The following ZNF334 variants were observed in gnomAD, a reference collection of about 807,000 sequenced individuals.
The protein encoded by ZNF334 is zinc finger protein 334.
ZNF334 carries 14 observed loss-of-function variants against 12.4 expected under a neutral mutation model. The observed-to-expected ratio is 1.13, with a 90% CI of 0.74 to 1.76. ZNF334 has a LOEUF of 1.76. Ranked by LOEUF, ZNF334 falls within the 40% of genes most tolerant of loss-of-function variation. The probability of loss-of-function intolerance (pLI) is 0.00; values close to 1 mark genes in which losing one functional copy is unlikely to be tolerated. For synonymous variants in ZNF334, 273 were observed against 269.6 expected, an observed-to-expected ratio of 1.01 and a Z score of -0.12; for missense variants, 797 against 804.5, an observed-to-expected ratio of 0.99 and a Z score of 0.11.
chr20:46,477,692 C>T, the ZNF334 span, among the ~76,000 whole-genome samples: 1 of 152,218 alleles, frequency 6.6e-6, no homozygotes, highest in African/African-American at 2.4e-5. Context: ...AGTGCTATCC[C>T]TCACCAGCTG....
chr20:46,494,261 G>A, the ZNF334 span, among the ~76,000 whole-genome samples: 2 of 152,174 alleles, frequency 1.3e-5, no homozygotes, highest in Non-Finnish European at 2.9e-5. Flanking sequence ...CAAGTGGGAT[G>A]GGCATAGTTA....
Position 46,501,452 on chromosome 20 carries a change from T to C in ZNF334, c.1887A>G (p.Glu629=). 2 of 1,614,100 alleles carry C rather than the reference T, an allele frequency of 1.2e-6. No homozygotes were observed. Among genetic ancestry groups the C allele is most frequent in the Non-Finnish European group, 1.7e-6 (2 of 1,179,998 alleles). The change falls in exon 5 of 5, where the codon GAA becomes GAG. Residue 629 remains glutamate (E), a synonymous_variant. Transcript: ENST00000692313. ...RRIHTGEKPY[E]CNQCGKTYRR... Reference sequence around the variant, plus strand: ...GGTAGGTTTTCCCACATTGATTACATTCATATGGTTTCTCTCCTGTGTGAA... The same window carrying C: ...GGTAGGTTTTCCCACATTGATTACACTCATATGGTTTCTCTCCTGTGTGAA...
At chr20:46,487,706 T>C in the ZNF334 span, among the ~76,000 whole-genome samples, 2 of 152,250 alleles carry the variant, frequency 1.3e-5, no homozygotes, top group South Asian at 4.1e-4. Flanking sequence ...TTTTGTCTGA[T>C]ATTAACATAG....
chr20:46,510,216 G>C (rs1262133905), intron 2 of ZNF334, among the ~76,000 whole-genome samples: 2 of 152,094 alleles, frequency 1.3e-5, no homozygotes, highest in Non-Finnish European at 2.9e-5. Flanking sequence ...TTGGCATTTT[G>C]GAGGAATTGG....
At chr20:46,475,234 G>A in the ZNF334 span, among the ~76,000 whole-genome samples, 3 of 152,090 alleles carry the variant, frequency 2.0e-5, no homozygotes, top group Non-Finnish European at 2.9e-5. Flanking sequence ...TTCAGCAAAT[G>A]GTGCTGGAGC....
At chr20:46,468,054 G>A in the ZNF334 span, among the ~76,000 whole-genome samples, 1 of 152,216 alleles carries the variant, frequency 6.6e-6, no homozygotes, top group African/African-American at 2.4e-5. Flanking sequence ...AGATCTGTAT[G>A]ATATTGAAAT....
intron 2 of ZNF334, among the ~76,000 whole-genome samples, chr20:46,510,685 G>A (rs1304595988): frequency 2.6e-5 from 4 of 151,588 alleles, no homozygotes; most frequent in Non-Finnish European, 5.9e-5. Context: ...GTGAACCCGG[G>A]AGGCAGAGTT....
downstream of ZNF334, among the ~76,000 whole-genome samples, chr20:46,495,381 T>C (rs752547388): frequency 2.9e-4 from 44 of 151,104 alleles, no homozygotes; most frequent in Admixed American, 1.0e-3. Context: ...CTAAGTTCAA[T>C]CACTGACTTC....
intron 4 of ZNF334, among the ~76,000 whole-genome samples, chr20:46,503,603 A>T (rs142075290): frequency 6.6e-6 from 1 of 152,232 alleles, no homozygotes. Context: ...TTTTGCAGTG[A>T]CATGGAACTC....
the ZNF334 span, among the ~76,000 whole-genome samples, chr20:46,478,851 T>C: frequency 6.6e-6 from 1 of 152,246 alleles, no homozygotes; most frequent in South Asian, 2.1e-4. Flanking sequence ...GTCTTTGGTT[T>C]AGGCTTCAGT....
chr20:46,510,587 G>A (rs1233089478), intron 2 of ZNF334, among the ~76,000 whole-genome samples: 7 of 151,876 alleles, frequency 4.6e-5, no homozygotes, highest in East Asian at 1.9e-4. Flanking sequence ...TTAGCCAGGC[G>A]TGGTGGCGGG....
intron 3 of ZNF334, 73 bp from the exon 4 acceptor site, chr20:46,504,379 C>T (rs1319020508): frequency 2.9e-6 from 4 of 1,397,392 alleles, no homozygotes; most frequent in South Asian, 1.2e-5. Context: ...GAAGAAAGTA[C>T]AGCTTCAGAA....
the ZNF334 span, among the ~76,000 whole-genome samples, chr20:46,493,152 T>C: frequency 6.6e-6 from 1 of 152,084 alleles, no homozygotes; most frequent in African/African-American, 2.4e-5. Context: ...AGGCATTTCC[T>C]GTGGTAAGCA....
rs1281921403 is a variant in ZNF334 at position 46,504,694 on chromosome 20, T to G, written c.68A>C (p.Glu23Ala). ...QDLTVNFTQEEWQQLDPAQRL... is the reference protein window; with the variant it reads ...QDLTVNFTQEAWQQLDPAQRL... ...CTGAGCAGGGTCCAGTTGCTGCCAT[T>G]CCTCTTGGGTGAAGTTCACAGTCAG... Residue 23 changes from glutamate (E) to alanine (A), a missense_variant, in exon 3 of 5, where the codon GAA becomes GCA. Coordinates refer to ENST00000692313, the MANE Select transcript of ZNF334 (RefSeq NM_001353824.2). The G allele has an allele frequency of 1.2e-6, 2 of 1,612,138 alleles. No individual in the cohort carries two copies. Among genetic ancestry groups the G allele is most frequent in the African/African-American group, 2.7e-5 (2 of 74,754 alleles).
intron 2 of ZNF334, among the ~76,000 whole-genome samples, chr20:46,508,482 G>GAAAAGGGGTAGA (rs1343237097): frequency 2.0e-5 from 3 of 152,242 alleles, no homozygotes; most frequent in African/African-American, 7.2e-5. Context: ...AATGTAGGCA[G>GAAAAGGGGTAGA]AAAAGGGGTA....
In ZNF334 at chr20:46,501,387, G is replaced by A. The variant is rs1317946258; in HGVS notation, c.1952C>T (p.Thr651Ile). The A allele has an allele frequency of 2.5e-6, 4 of 1,613,414 alleles. No individual in the cohort carries two copies. Among genetic ancestry groups the A allele is most frequent in the African/African-American group, 1.3e-5 (1 of 74,920 alleles). Reference protein sequence around the residue: ...WTLTEHQKIHTGEKPYECNKC... With the variant: ...WTLTEHQKIHIGEKPYECNKC... ...GTTACATTCATAAGGTTTCTCTCCT[G>A]TGTGTATTTTCTGATGTTCAGTGAG... is the stretch of plus-strand genomic sequence containing the variant. Residue 651 changes from threonine (T) to isoleucine (I), a missense_variant, in exon 5 of 5, where the codon ACA (threonine) becomes ATA (isoleucine). Coordinates refer to ENST00000692313, the MANE Select transcript of ZNF334 (RefSeq NM_001353824.2).
chr20:46,508,753 G>C (rs2061532015), intron 2 of ZNF334, among the ~76,000 whole-genome samples: 1 of 152,184 alleles, frequency 6.6e-6, no homozygotes, highest in African/African-American at 2.4e-5. Flanking sequence ...TCTCCTACAG[G>C]AAAGAAATGT....
At chr20:46,481,229 A>T in the ZNF334 span, 3 of 152,228 alleles carry the variant, frequency 2.0e-5, no homozygotes, top group African/African-American at 7.2e-5. Context: ...AGGGCTAAAG[A>T]CATTTTGCAT....
rs545088718 is a variant in ZNF334 at position 46,502,130 on chromosome 20, T to A, written c.1209A>T (p.Lys403Asn). ...TCTCACATTCACTACATTCATAGGGTTTTTCCCCTGTGTGAATTCTCTGAT... is the reference window on the plus strand; with the variant it reads ...TCTCACATTCACTACATTCATAGGGATTTTCCCCTGTGTGAATTCTCTGAT... Reference protein sequence around the residue: ...TAHQRIHTGEKPYECSECEKT... With the variant: ...TAHQRIHTGENPYECSECEKT... Residue 403 changes from lysine (K) to asparagine (N), a missense_variant, in exon 5 of 5, where the codon AAA (lysine) becomes AAT (asparagine). Lys to Asn is a moderately conservative substitution (Grantham distance 94, BLOSUM62 0). Transcript: ENST00000692313. 1 of 1,613,996 alleles carries A rather than the reference T, an allele frequency of 6.2e-7. No individual in the cohort carries two copies. The highest frequency in any genetic ancestry group is 1.7e-5 in the Admixed American group (1 of 60,004).
Sources: gnomAD v4.1 joint callset for allele counts (sites outside exome capture counted in the v4.1 genomes callset) on GRCh38, gnomAD v4.1.1 for gene constraint, MANE v1.5 for transcripts, NCBI Gene and HGNC (gene_info 2026-07-23, HGNC 2026-07-21) for gene names.